The following ARHGAP10 variants were observed in gnomAD, a reference collection of about 807,000 sequenced individuals.
ARHGAP10 encodes rho GTPase-activating protein 10.
A neutral mutation model predicts 108.6 loss-of-function variants in ARHGAP10; 87 were observed. That is an observed-to-expected ratio of 0.80 (90% CI 0.67 to 0.96). The LOEUF (loss-of-function observed/expected upper bound fraction) is 0.96. Ranked by LOEUF, ARHGAP10 falls within the 40% of genes least tolerant of loss-of-function variation. ARHGAP10 has a pLI of 0.00. For synonymous variants in ARHGAP10, 347 were observed against 341.1 expected (o/e 1.02, Z -0.19); for missense variants, 939 against 954.5 (o/e 0.98, Z 0.21).
intron 1 of ARHGAP10, among the ~76,000 whole-genome samples, chr4:147,793,003 T>C (rs1022104343): frequency 4.4e-4 from 67 of 152,060 alleles, no homozygotes; most frequent in African/African-American, 1.5e-3. Flanking sequence ...CTGGGTGTGG[T>C]GATGCATGCC....
intron 18 of ARHGAP10, among the ~76,000 whole-genome samples, chr4:148,016,407 A>G (rs561497645): frequency 6.6e-6 from 1 of 152,098 alleles, no homozygotes; most frequent in Non-Finnish European, 1.5e-5. Context: ...AGAGGCTGAG[A>G]CAGGAGGATT....
intron 1 of ARHGAP10, among the ~76,000 whole-genome samples, chr4:147,788,766 C>T (rs1009941121): frequency 6.6e-6 from 1 of 152,132 alleles, no homozygotes; most frequent in Admixed American, 6.5e-5. Context: ...TTGCTGAGAG[C>T]TCTAATTATC....
chr4:147,962,054 G>T (rs547418833), intron 16 of ARHGAP10, among the ~76,000 whole-genome samples: 1 of 152,278 alleles, frequency 6.6e-6, no homozygotes, highest in East Asian at 1.9e-4. Context: ...TTCTAGCCTT[G>T]ATCTCTAAAG....
intron 10 of ARHGAP10, among the ~76,000 whole-genome samples, chr4:147,891,129 T>TAC (rs2126885705): frequency 6.6e-6 from 1 of 152,352 alleles, no homozygotes; most frequent in African/African-American, 2.4e-5. Flanking sequence ...CTCCTAGCTA[T>TAC]ACATTCAAGA....
chr4:147,865,038 A>G (rs1734496118), intron 6 of ARHGAP10, 82 bp downstream of exon 6: 1 of 1,238,586 alleles, frequency 8.1e-7, no homozygotes, highest in Non-Finnish European at 1.1e-6. Context: ...TTTATGGTTT[A>G]TAGTTACTAG....
chr4:147,749,462 G>T (rs905808405), intron 1 of ARHGAP10, among the ~76,000 whole-genome samples: 1 of 152,094 alleles, frequency 6.6e-6, no homozygotes, highest in Non-Finnish European at 1.5e-5. Context: ...ATTTTTGTGG[G>T]TATCATTAAT....
intron 18 of ARHGAP10, among the ~76,000 whole-genome samples, chr4:147,987,121 G>A (rs1324680429): frequency 6.6e-6 from 1 of 152,182 alleles, no homozygotes; most frequent in East Asian, 1.9e-4. Flanking sequence ...ACTAAGTGGG[G>A]AAAGATAAAC....
At chr4:147,827,743 T>C (rs1292707919) in intron 3 of ARHGAP10, among the ~76,000 whole-genome samples, 2 of 152,196 alleles carry the variant, frequency 1.3e-5, no homozygotes, top group Non-Finnish European at 2.9e-5. Context: ...GCAAAATGAC[T>C]GTAAAATGGA....
At chr4:147,738,678 A>C (rs1728530547) in intron 1 of ARHGAP10, among the ~76,000 whole-genome samples, 1 of 152,220 alleles carries the variant, frequency 6.6e-6, no homozygotes, top group Non-Finnish European at 1.5e-5. Context: ...ACTAAATTAC[A>C]GGCATATATT....
At chr4:147,843,337 A>G (rs540326957) in intron 3 of ARHGAP10, among the ~76,000 whole-genome samples, 2 of 152,276 alleles carry the variant, frequency 1.3e-5, no homozygotes, top group Non-Finnish European at 2.9e-5. Context: ...TTCAGCAGTC[A>G]TCCTCTCTCT....
At chr4:147,784,931 TTA>T (rs1342880543) in intron 1 of ARHGAP10, among the ~76,000 whole-genome samples, 1 of 124,710 alleles carries the variant, frequency 8.0e-6, no homozygotes, top group Non-Finnish European at 1.6e-5. Context: ...AAAATATATG[TTA>T]TAAAATATAA....
At chr4:147,770,311 G>C (rs948869194) in intron 1 of ARHGAP10, among the ~76,000 whole-genome samples, 8 of 152,150 alleles carry the variant, frequency 5.3e-5, no homozygotes, top group Non-Finnish European at 1.0e-4. Context: ...GATCATTGGA[G>C]GTCAGGAGTT....
chr4:147,964,895 A>G, intron 16 of ARHGAP10, 129 bp from the exon 17 acceptor site: 2 of 585,868 alleles, frequency 3.4e-6, no homozygotes, highest in Non-Finnish European at 2.7e-6. Context: ...TACATTCTCC[A>G]TGTTTGATAA....
chr4:148,043,645 A>ATATATATATATATATATATATG (rs1728738110), intron 19 of ARHGAP10, among the ~76,000 whole-genome samples: 1 of 106,386 alleles, frequency 9.4e-6, no homozygotes, highest in Non-Finnish European at 1.9e-5. Flanking sequence ...ATATATATAT[A>ATATATATATATATATATATATG]TATATATTTT....
intron 1 of ARHGAP10, among the ~76,000 whole-genome samples, chr4:147,777,319 C>A (rs1466840084): frequency 6.7e-6 from 1 of 149,908 alleles, no homozygotes; most frequent in Non-Finnish European, 1.5e-5. Context: ...AGTGCAGTGG[C>A]GCGATTTCGG....
chr4:147,757,610 C>T lies in ARHGAP10; in HGVS notation c.154+25155C>T, dbSNP rs187993697. Among the ~76,000 whole-genome samples, 44 of 152,328 alleles carry T rather than the reference C, an allele frequency of 2.9e-4. 1 individual carries two copies. Among genetic ancestry groups the T allele is most frequent in the Middle Eastern group, 3.4e-3 (1 of 294 alleles). On this transcript the variant is annotated intron_variant, in intron 1 of 22. Coordinates refer to ENST00000336498, the MANE Select transcript of ARHGAP10 (RefSeq NM_024605.4). Reference sequence around the variant, plus strand: ...AGCTTTCCATCTGCTGTAGCATTGACAACTTCCATCCGTTCATAGCCTCTG... The same window carrying T: ...AGCTTTCCATCTGCTGTAGCATTGATAACTTCCATCCGTTCATAGCCTCTG...
At chr4:147,806,069 T>C (rs1185908808) in intron 1 of ARHGAP10, among the ~76,000 whole-genome samples, 1 of 152,186 alleles carries the variant, frequency 6.6e-6, no homozygotes, top group Admixed American at 6.5e-5. Context: ...GCCTTTTGTT[T>C]ATATTTATTT....
intron 4 of ARHGAP10, among the ~76,000 whole-genome samples, chr4:147,853,707 C>G (rs186088882): frequency 2.0e-5 from 3 of 151,810 alleles, no homozygotes; most frequent in East Asian, 3.9e-4. Context: ...AATCCTCCCC[C>G]CTTTGCTGTG....
chr4:147,809,679 C>T (rs911095689), intron 1 of ARHGAP10, among the ~76,000 whole-genome samples: 1 of 152,130 alleles, frequency 6.6e-6, no homozygotes, highest in Non-Finnish European at 1.5e-5. Flanking sequence ...CTTTTCGGCA[C>T]CAGGGACTGG....
Sources: gnomAD v4.1 joint callset for allele counts (sites outside exome capture counted in the v4.1 genomes callset) on GRCh38, gnomAD v4.1.1 for gene constraint, MANE v1.5 for transcripts, NCBI Gene and HGNC (gene_info 2026-07-23, HGNC 2026-07-21) for gene names.